Variants in ZFHX3 observed in about 807,000 individuals in gnomAD.
ZFHX3 encodes zinc finger homeobox protein 3.
In ZFHX3, 42 loss-of-function variants were observed where a neutral mutation model predicts 279.1. The ratio of observed to expected loss-of-function variants is 0.15; its 90% CI spans 0.12 to 0.19. ZFHX3 has a LOEUF of 0.19. ZFHX3 is among the 10% of genes least tolerant of loss of function. The pLI is 1.00. For synonymous variants in ZFHX3, 2,293 were observed against 1,957.8 expected (o/e 1.17, Z -4.52); for missense variants, 4,981 against 4,754.0 (o/e 1.05, Z -1.40).
intron 4 of ZFHX3, among the ~76,000 whole-genome samples, chr16:72,886,771 G>A (rs769203377): frequency 7.9e-5 from 12 of 152,150 alleles, no homozygotes; most frequent in South Asian, 2.1e-4. Flanking sequence ...GCAGAGCAGC[G>A]GATCAAACAG....
intron 1 of ZFHX3, among the ~76,000 whole-genome samples, chr16:73,712,301 G>A (rs576245169): frequency 9.2e-5 from 14 of 152,220 alleles, no homozygotes; most frequent in East Asian, 3.9e-4. Flanking sequence ...CTGCCTCCTC[G>A]TCAGATGTCC....
chr16:72,852,262 CT>C (rs1322822861), intron 4 of ZFHX3, among the ~76,000 whole-genome samples: 1 of 152,116 alleles, frequency 6.6e-6, no homozygotes, highest in Non-Finnish European at 1.5e-5. Flanking sequence ...GTTTTCAAGC[CT>C]TTTGAAACAT....
rs569758681 is a variant in ZFHX3 at position 73,140,950 on chromosome 16, G to C, written c.-1024+2802C>G. On this transcript the variant is annotated intron_variant, in intron 6 of 17. Coordinates refer to the ZFHX3 transcript ENST00000641206. ...ATTTGGAGGATCAAGTGATGGAAGAGATAAGAAGCCCCTCTCTTTGACTTC... is the reference window on the plus strand; with the variant it reads ...ATTTGGAGGATCAAGTGATGGAAGACATAAGAAGCCCCTCTCTTTGACTTC... 1.1e-3 allele frequency among the ~76,000 whole-genome samples: 165 copies of C among 152,292 alleles called. 1 individual carries two copies. Among genetic ancestry groups the C allele is most frequent in the African/African-American group, 3.7e-3 (154 of 41,550 alleles).
chr16:73,529,654 CAGAA>C (rs922713588), intron 2 of ZFHX3, among the ~76,000 whole-genome samples: 2 of 152,178 alleles, frequency 1.3e-5, no homozygotes, highest in African/African-American at 4.8e-5. Flanking sequence ...AGAATAATTC[CAGAA>C]AGAGTCATAC....
At chr16:73,197,180 G>A (rs2144894906) in intron 5 of ZFHX3, among the ~76,000 whole-genome samples, 2 of 152,236 alleles carry the variant, frequency 1.3e-5, no homozygotes, top group East Asian at 3.9e-4. Context: ...TGACACTGTT[G>A]TTTTCTTATA....
chr16:73,674,040 T>A (rs986918285), intron 2 of ZFHX3, among the ~76,000 whole-genome samples: 1 of 152,194 alleles, frequency 6.6e-6, no homozygotes, highest in Non-Finnish European at 1.5e-5. Flanking sequence ...GATCATTGCC[T>A]CTGAAAATAT....
chr16:73,842,776 T>G (rs944813305), intron 1 of ZFHX3, among the ~76,000 whole-genome samples: 3 of 152,158 alleles, frequency 2.0e-5, no homozygotes, highest in African/African-American at 4.8e-5. Context: ...CCAGCCATAG[T>G]CAGGGTAGAT....
Position 72,795,594 on chromosome 16 carries a change from C to T in ZFHX3, c.7088G>A (p.Ser2363Asn), listed in dbSNP as rs2035877214. The change falls in exon 9 of 10, where the codon AGC (serine) becomes AAC (asparagine). Residue 2363 changes from serine (S) to asparagine (N), a missense_variant. Transcript: ENST00000268489. ...GGCATCCATGGAATCCTCATTTTGG[C>T]TGTCGTCCTGCCCCTCCTCATCCTC... Reference protein sequence around the residue: ...KDEDEEGQDDSQNEDSMDAME... With the variant: ...KDEDEEGQDDNQNEDSMDAME... 2 of 1,613,818 alleles carry T rather than the reference C, an allele frequency of 1.2e-6. No homozygotes were observed. The highest frequency in any genetic ancestry group is 1.7e-6 in the Non-Finnish European group (2 of 1,179,964).
At chr16:73,304,053 C>T (rs2015122706) in intron 4 of ZFHX3, among the ~76,000 whole-genome samples, 1 of 151,500 alleles carries the variant, frequency 6.6e-6, no homozygotes, top group Non-Finnish European at 1.5e-5. Context: ...TACCCTTGGT[C>T]CTGCATAGAT....
intron 4 of ZFHX3, among the ~76,000 whole-genome samples, chr16:72,884,681 T>G (rs2038577800): frequency 6.6e-6 from 1 of 152,222 alleles, no homozygotes; most frequent in African/African-American, 2.4e-5. Flanking sequence ...GGGCCTGTGT[T>G]CTCAAAGCCC....
At chr16:73,447,739 A>G (rs1206521064) in intron 3 of ZFHX3, among the ~76,000 whole-genome samples, 4 of 152,178 alleles carry the variant, frequency 2.6e-5, no homozygotes, top group Non-Finnish European at 5.9e-5. Context: ...GTTGGTCAAG[A>G]AGAATTTATT....
At chr16:73,195,409 T>C (rs1968121517) in intron 5 of ZFHX3, among the ~76,000 whole-genome samples, 2 of 131,286 alleles carry the variant, frequency 1.5e-5, no homozygotes, top group South Asian at 5.0e-4. Flanking sequence ...GTTGTGTCTT[T>C]ACTATTTTTT....
chr16:73,368,088 C>T (rs1251148361), intron 3 of ZFHX3, among the ~76,000 whole-genome samples: 1 of 152,136 alleles, frequency 6.6e-6, no homozygotes. Flanking sequence ...CCAGGCTGGT[C>T]TCAAACTCCT....
intron 5 of ZFHX3, among the ~76,000 whole-genome samples, chr16:73,252,973 T>C (rs981141967): frequency 6.6e-6 from 1 of 152,056 alleles, no homozygotes; most frequent in Non-Finnish European, 1.5e-5. Context: ...AGGAAAGCAG[T>C]TGTGGAAGCA....
chr16:73,228,871 G>T (rs903875611), intron 5 of ZFHX3, among the ~76,000 whole-genome samples: 4 of 152,134 alleles, frequency 2.6e-5, no homozygotes, highest in African/African-American at 9.7e-5. Flanking sequence ...ATAAACAGGA[G>T]ATAAGGAAAC....
chr16:73,582,562 C>A lies in ZFHX3; in HGVS notation c.-1547+97618G>T, dbSNP rs1036400340. Among the ~76,000 whole-genome samples, 15 of 152,008 alleles carry A rather than the reference C, an allele frequency of 9.9e-5. 2 individuals are homozygous for A. The highest frequency in any genetic ancestry group is 3.6e-4 in the African/African-American group (15 of 41,304). ...TGATCTTGGCTCACCACAAGCTCCACCTCCTGGGTTCAAGCGATTCTTCTG... is the reference window on the plus strand; with the variant it reads ...TGATCTTGGCTCACCACAAGCTCCAACTCCTGGGTTCAAGCGATTCTTCTG... On this transcript the variant is annotated intron_variant, in intron 2 of 17. Transcript: ENST00000641206.
chr16:72,848,093 G>A (rs545096888), intron 4 of ZFHX3, among the ~76,000 whole-genome samples: 21 of 152,228 alleles, frequency 1.4e-4, no homozygotes, highest in Non-Finnish European at 3.1e-4. Flanking sequence ...AACACAGGTC[G>A]CCAGCCCCTT....
At chr16:73,152,821 T>TG (rs1212299541) in intron 5 of ZFHX3, among the ~76,000 whole-genome samples, 3 of 29,728 alleles carry the variant, frequency 1.0e-4, no homozygotes, top group African/African-American at 4.0e-4. Flanking sequence ...AGAAGGGGGC[T>TG]GGGGGGAAGG....
Position 72,787,487 on chromosome 16 carries a change from G to A in ZFHX3, c.10789C>T (p.Pro3597Ser), listed in dbSNP as rs1212254656. 2.5e-6 allele frequency: 4 copies of A among 1,612,694 alleles called. No homozygotes were observed. Among genetic ancestry groups the A allele is most frequent in the Admixed American group, 1.7e-5 (1 of 59,996 alleles). ...SQSAAHSNDS[P>S]PPPSAAAPSS... ...GGGGCGGCGGCCGACGGGGGAGGGG[G>A]GCTGTCGTTTGAGTGAGCGGCAGAC... is the stretch of plus-strand genomic sequence containing the variant. The change falls in exon 10 of 10, where the codon CCC becomes TCC. Residue 3597 changes from proline to serine, a missense_variant. Physicochemically the swap from Pro to Ser is moderately conservative, Grantham distance 74. Transcript: ENST00000268489.
Sources: gnomAD v4.1 joint callset for allele counts (sites outside exome capture counted in the v4.1 genomes callset) on GRCh38, gnomAD v4.1.1 for gene constraint, MANE v1.5 for transcripts, NCBI Gene and HGNC (gene_info 2026-07-23, HGNC 2026-07-21) for gene names.